The following L2HGDH variants were observed in gnomAD, a reference collection of about 807,000 sequenced individuals.
The protein encoded by L2HGDH is L-2-hydroxyglutarate dehydrogenase.
In L2HGDH, 34 loss-of-function variants were observed where a neutral mutation model predicts 51.5. The observed-to-expected ratio is 0.66, with a 90% CI of 0.50 to 0.88. The LOEUF is 0.88. Among genes scored for constraint, L2HGDH ranks in the 40% least tolerant of loss-of-function variants. The pLI, the probability that L2HGDH is intolerant of heterozygous loss-of-function variation, is 0.00. For missense variants in L2HGDH, 558 were observed against 571.9 expected, an observed-to-expected ratio of 0.98 and a Z score of 0.25; for synonymous variants, 198 against 197.9, an observed-to-expected ratio of 1.00 and a Z score of -0.01.
intron 9 of L2HGDH, among the ~76,000 whole-genome samples, chr14:50,256,117 C>T (rs1022164445): frequency 1.8e-4 from 28 of 152,118 alleles, no homozygotes; most frequent in Admixed American, 1.8e-3. Flanking sequence ...CATTACACTA[C>T]AGGTTGGAAA....
intron 3 of L2HGDH, among the ~76,000 whole-genome samples, chr14:50,295,023 G>A (rs1204240720): frequency 1.3e-5 from 2 of 152,022 alleles, no homozygotes; most frequent in Admixed American, 6.6e-5. Context: ...AAACAGAAGT[G>A]GAATCAAAGG....
At chr14:50,307,101 C>A (rs1296799950) in intron 1 of L2HGDH, among the ~76,000 whole-genome samples, 1 of 152,018 alleles carries the variant, frequency 6.6e-6, no homozygotes, top group African/African-American at 2.4e-5. Flanking sequence ...CAGGCGTGAG[C>A]CACTGCGCCT....
intron 6 of L2HGDH, among the ~76,000 whole-genome samples, chr14:50,269,859 G>A (rs1566514841): frequency 6.6e-6 from 1 of 152,048 alleles, no homozygotes; most frequent in East Asian, 1.9e-4. Context: ...AAAAATATAA[G>A]CACATAAAAT....
chr14:50,304,126 C>T (rs2030590273), intron 1 of L2HGDH, among the ~76,000 whole-genome samples: 1 of 152,190 alleles, frequency 6.6e-6, no homozygotes, highest in Non-Finnish European at 1.5e-5. Flanking sequence ...CAAGCCTGTA[C>T]AGCAGGTTAC....
chr14:50,263,888 G>A (rs139179656), intron 9 of L2HGDH, among the ~76,000 whole-genome samples: 2,173 of 150,004 alleles, frequency 0.014, 20 homozygotes, highest in Non-Finnish European at 0.021. Flanking sequence ...CCATTCTCCT[G>A]CTTCTGCCTC....
intron 9 of L2HGDH, among the ~76,000 whole-genome samples, chr14:50,260,570 T>C (rs1267580581): frequency 4.6e-5 from 7 of 152,226 alleles, no homozygotes; most frequent in African/African-American, 1.7e-4. Flanking sequence ...GTATGAATTT[T>C]AATTTTCTTT....
intron 8 of L2HGDH, among the ~76,000 whole-genome samples, chr14:50,265,819 C>G (rs1185570499): frequency 6.6e-6 from 1 of 152,178 alleles, no homozygotes; most frequent in East Asian, 1.9e-4. Context: ...GAGGCTGAGG[C>G]AGGAGAATTG....
intron 3 of L2HGDH, among the ~76,000 whole-genome samples, chr14:50,298,823 G>A (rs1238298768): frequency 6.6e-6 from 1 of 151,988 alleles, no homozygotes; most frequent in Non-Finnish European, 1.5e-5. Flanking sequence ...AAAACCTATG[G>A]GAAACAGCGA....
chr14:50,259,109 C>T (rs1461658848), intron 9 of L2HGDH, among the ~76,000 whole-genome samples: 2 of 151,156 alleles, frequency 1.3e-5, no homozygotes, highest in African/African-American at 4.9e-5. Context: ...GCCTCAGCCA[C>T]CCAAAGTGCT....
At chr14:50,311,728 G>A (rs1240487617) in intron 1 of L2HGDH, among the ~76,000 whole-genome samples, 1 of 152,208 alleles carries the variant, frequency 6.6e-6, no homozygotes, top group Non-Finnish European at 1.5e-5. Context: ...AGCCTTTAAG[G>A]AGGTTAAGTA....
intron 3 of L2HGDH, among the ~76,000 whole-genome samples, chr14:50,295,992 G>A (rs1566535083): frequency 6.6e-6 from 1 of 151,810 alleles, no homozygotes; most frequent in Non-Finnish European, 1.5e-5. Context: ...ATCCACTTCG[G>A]CCTCCCAAAG....
At chr14:50,306,667 G>A (rs1344563679) in intron 1 of L2HGDH, among the ~76,000 whole-genome samples, 3 of 149,744 alleles carry the variant, frequency 2.0e-5, no homozygotes, top group African/African-American at 7.4e-5. Flanking sequence ...GACTCTGGCT[G>A]CTGCGTGTTG....
intron 6 of L2HGDH, among the ~76,000 whole-genome samples, chr14:50,277,645 G>A (rs988316696): frequency 9.9e-5 from 15 of 151,680 alleles, no homozygotes; most frequent in African/African-American, 2.4e-4. Flanking sequence ...GTGTGGTGGC[G>A]GGCGCCTGTC....
At chr14:50,273,283 G>A (rs1889800087) in intron 6 of L2HGDH, among the ~76,000 whole-genome samples, 1 of 152,162 alleles carries the variant, frequency 6.6e-6, no homozygotes, top group Non-Finnish European at 1.5e-5. Context: ...CCTGCCCTGT[G>A]GATGTTAGTT....
intron 4 of L2HGDH, chr14:50,293,264 A>C: frequency 1.4e-6 from 1 of 702,340 alleles, no homozygotes; most frequent in Admixed American, 2.0e-5. Flanking sequence ...TTGATAAGTG[A>C]TGCTGACACA....
intron 9 of L2HGDH, among the ~76,000 whole-genome samples, chr14:50,257,429 G>C (rs1010845820): frequency 6.6e-6 from 1 of 151,584 alleles, no homozygotes; most frequent in Non-Finnish European, 1.5e-5. Context: ...GAGGGCAGTG[G>C]TGTAATCACA....
intron 4 of L2HGDH, among the ~76,000 whole-genome samples, chr14:50,291,943 C>G (rs1890906897): frequency 6.6e-6 from 1 of 152,034 alleles, no homozygotes; most frequent in Non-Finnish European, 1.5e-5. Context: ...TTATTTAGAA[C>G]CAATACACGA....
chr14:50,256,263 C>T (rs906804860), intron 9 of L2HGDH, among the ~76,000 whole-genome samples: 2 of 151,910 alleles, frequency 1.3e-5, no homozygotes, highest in Admixed American at 6.6e-5. Flanking sequence ...GCCTATAATC[C>T]CAATGCTTTT....
chr14:50,295,838 A>G (rs2030009165), intron 3 of L2HGDH, among the ~76,000 whole-genome samples: 1 of 150,982 alleles, frequency 6.6e-6, no homozygotes, highest in Non-Finnish European at 1.5e-5. Flanking sequence ...TCCCAGGTTC[A>G]AACGATTCTC....
Sources: gnomAD v4.1 joint callset for allele counts (sites outside exome capture counted in the v4.1 genomes callset) on GRCh38, gnomAD v4.1.1 for gene constraint, MANE v1.5 for transcripts, NCBI Gene and HGNC (gene_info 2026-07-23, HGNC 2026-07-21) for gene names.